FAF1: variants seen among roughly 807,000 people sequenced by gnomAD.
The protein encoded by FAF1 is Fas associated factor 1.
FAF1 carries 25 observed loss-of-function variants against 92.5 expected under a neutral mutation model. The observed-to-expected ratio is 0.27, with a 90% CI of 0.20 to 0.38. FAF1 has a LOEUF of 0.38. Ranked by LOEUF, FAF1 falls within the 10% of genes least tolerant of loss-of-function variation. The probability of loss-of-function intolerance (pLI) is 1.00; values close to 1 mark genes in which losing one functional copy is unlikely to be tolerated. For missense variants in FAF1, 636 were observed against 793.3 expected (o/e 0.80, Z 2.38); for synonymous variants, 234 against 273.2 (o/e 0.86, Z 1.42).
At chr1:50,475,893 C>A (rs1646634337) in intron 17 of FAF1, among the ~76,000 whole-genome samples, 1 of 151,986 alleles carries the variant, frequency 6.6e-6, no homozygotes, top group South Asian at 2.1e-4. Flanking sequence ...AAATAAATTC[C>A]ACCTTGATGA....
intron 1 of FAF1, among the ~76,000 whole-genome samples, chr1:50,899,799 TC>T (rs1644782438): frequency 6.6e-6 from 1 of 152,162 alleles, no homozygotes; most frequent in African/African-American, 2.4e-5. Context: ...AAATAATTGA[TC>T]TTTCTCAGGC....
chr1:50,747,831 T>C (rs960433831), intron 4 of FAF1, among the ~76,000 whole-genome samples: 2 of 152,156 alleles, frequency 1.3e-5, no homozygotes, highest in Non-Finnish European at 2.9e-5. Flanking sequence ...TGTGATACAG[T>C]TCTCGTGAGA....
At position 50,960,139 on chromosome 1, in the gene FAF1, A is replaced by G. The variant is rs772143474; in HGVS notation, c.-328T>C. The G allele has an allele frequency of 2.8e-5, 10 of 358,890 alleles. No individual in the cohort carries two copies. The highest frequency in any genetic ancestry group is 4.5e-5 in the Non-Finnish European group (9 of 199,836). The allele number at this position is 358,890 out of a possible 1,614,324, so 22.2% of individuals were successfully genotyped here. A position where few individuals can be genotyped will look rare whatever the true frequency, so the allele number is the denominator to read the frequency against. On this transcript the variant is annotated 5_prime_UTR_variant, in exon 1 of 19. Transcript: ENST00000396153. The stretch of plus-strand genomic sequence containing the variant: ...ATGAGGGCAGGTTGCGACAGCGCGC[A>G]CCCGGATACCTTCAGCGGCGTTAAG...
intron 13 of FAF1, among the ~76,000 whole-genome samples, chr1:50,541,276 GT>G (rs1327351654): frequency 2.6e-5 from 4 of 152,156 alleles, no homozygotes; most frequent in Non-Finnish European, 5.9e-5. Flanking sequence ...ATTGCAATAA[GT>G]TCATTGGAAG....
chr1:50,646,962 CA>C (rs1329689497), intron 8 of FAF1, among the ~76,000 whole-genome samples: 2 of 152,210 alleles, frequency 1.3e-5, no homozygotes, highest in African/African-American at 4.8e-5. Context: ...TCTTGTGTCT[CA>C]GCCTCCTGAG....
Position 50,596,215 on chromosome 1 carries a change from A to G in FAF1, c.746T>C (p.Met249Thr). The G allele has an allele frequency of 1.2e-6, 2 of 1,608,680 alleles. No individual in the cohort carries two copies. Among genetic ancestry groups the G allele is most frequent in the African/African-American group, 2.7e-5 (2 of 74,874 alleles). Residue 249 changes from methionine to threonine, a missense_variant and splice_region_variant, in exon 9 of 19, where the codon ATG becomes ACG. Met to Thr is a moderately conservative substitution (Grantham distance 81, BLOSUM62 -1). This residue lies in a region of FAF1 where 317 missense variants were observed against 342.4 expected (regional missense o/e 0.93). Coordinates refer to ENST00000396153, the MANE Select transcript of FAF1 (RefSeq NM_007051.3). The part of the protein sequence containing the change: ...GWPTSATDDS[M>T]CLAESGLSYP... ...AGAGAGCCCTGATTCAGCAAGACAC[A>G]TCTGCAAAAAGTAGAATCCATCATT... is the stretch of plus-strand genomic sequence containing the variant.
At chr1:50,700,990 G>A (rs1425134813) in intron 7 of FAF1, among the ~76,000 whole-genome samples, 1 of 152,054 alleles carries the variant, frequency 6.6e-6, no homozygotes, top group Non-Finnish European at 1.5e-5. Flanking sequence ...ATATTCATTT[G>A]AAGTGGTATG....
At position 50,458,604 on chromosome 1, in the gene FAF1, TA is replaced by T. The variant is rs1385457842; in HGVS notation, c.1869+16859del. Among the ~76,000 whole-genome samples the T allele has an allele frequency of 2.0e-5, 3 of 152,214 alleles. No individual in the cohort carries two copies. In the East Asian group the frequency reaches 5.8e-4, roughly 29 times the overall value. On this transcript the variant is annotated intron_variant, in intron 18 of 18. Transcript: ENST00000396153. ...TGGCTGTAATAACCTCAAACACATT[TA>T]AAAAATTCCTTTGTGCACTTCTTTC...
intron 15 of FAF1, among the ~76,000 whole-genome samples, chr1:50,508,840 A>G (rs943022077): frequency 6.6e-5 from 10 of 152,222 alleles, no homozygotes; most frequent in Non-Finnish European, 1.3e-4. Flanking sequence ...AGCAGGGATT[A>G]TAGGCATGAG....
intron 18 of FAF1, chr1:50,469,687 G>A (rs1210614435): frequency 6.6e-6 from 1 of 152,188 alleles, no homozygotes; most frequent in Non-Finnish European, 1.5e-5. Context: ...CAAAACTGGA[G>A]GCAGGGAGAT....
At chr1:50,872,869 A>G (rs1252296136) in intron 1 of FAF1, among the ~76,000 whole-genome samples, 1 of 151,996 alleles carries the variant, frequency 6.6e-6, no homozygotes, top group African/African-American at 2.4e-5. Flanking sequence ...ACTGCACTCC[A>G]GCCTGGGCAA....
At chr1:50,458,970 T>G (rs1241613912) in intron 18 of FAF1, among the ~76,000 whole-genome samples, 1 of 151,482 alleles carries the variant, frequency 6.6e-6, no homozygotes, top group Non-Finnish European at 1.5e-5. Context: ...CCTGCCCTTT[T>G]TTTTTTCTTT....
intron 7 of FAF1, among the ~76,000 whole-genome samples, chr1:50,685,982 T>G (rs1387639522): frequency 2.0e-5 from 3 of 152,218 alleles, no homozygotes; most frequent in African/African-American, 7.2e-5. Context: ...ACAGGCTAAT[T>G]AATATCTTTA....
intron 7 of FAF1, among the ~76,000 whole-genome samples, chr1:50,695,710 C>T (rs992892638): frequency 2.0e-4 from 30 of 152,118 alleles, no homozygotes; most frequent in African/African-American, 6.3e-4. Context: ...TGCAGTGGCG[C>T]GATCTCGGCT....
intron 7 of FAF1, among the ~76,000 whole-genome samples, chr1:50,683,930 CAAAA>C (rs78987324): frequency 2.6e-5 from 3 of 116,118 alleles, no homozygotes; most frequent in African/African-American, 3.1e-5. Flanking sequence ...AACACTCCAT[CAAAA>C]AAAAAAAAAA....
intron 13 of FAF1, among the ~76,000 whole-genome samples, chr1:50,565,281 T>C (rs1650123571): frequency 6.6e-6 from 1 of 152,092 alleles, no homozygotes; most frequent in Admixed American, 6.6e-5. Flanking sequence ...TTTATTAAAT[T>C]GAATTCCTAG....
chr1:50,721,060 C>T (rs1469883150), intron 6 of FAF1, among the ~76,000 whole-genome samples: 1 of 152,118 alleles, frequency 6.6e-6, no homozygotes, highest in African/African-American at 2.4e-5. Context: ...TATGTAAATG[C>T]AATTTGTACC....
At chr1:50,501,010 C>G (rs1292108859) in intron 15 of FAF1, among the ~76,000 whole-genome samples, 1 of 152,044 alleles carries the variant, frequency 6.6e-6, no homozygotes, top group East Asian at 1.9e-4. Flanking sequence ...TATGTTCCCT[C>G]AATAAAACTA....
At chr1:50,542,812 C>G (rs1276717380) in intron 13 of FAF1, among the ~76,000 whole-genome samples, 1 of 152,100 alleles carries the variant, frequency 6.6e-6, no homozygotes, top group South Asian at 2.1e-4. Flanking sequence ...CAAATCAACC[C>G]AAGGCCAAAT....
Sources: allele counts gnomAD v4.1 joint callset (sites outside exome capture counted in the v4.1 genomes callset), GRCh38; gene constraint gnomAD v4.1.1; regional missense constraint gnomAD v4.1.1; transcripts MANE v1.5; gene names NCBI Gene and HGNC (gene_info 2026-07-23, HGNC 2026-07-21).